RYR1: variants seen among roughly 807,000 people sequenced by gnomAD.
The protein encoded by RYR1 is central core disease of muscle.
A neutral mutation model predicts 583.5 loss-of-function variants in RYR1; 342 were observed. The observed-to-expected ratio is 0.59, with a 90% CI of 0.54 to 0.64. The LOEUF (loss-of-function observed/expected upper bound fraction) is 0.64. Ranked by LOEUF, RYR1 falls within the 30% of genes least tolerant of loss-of-function variation. The pLI is 0.00. For synonymous variants in RYR1, 2,791 were observed against 2,822.5 expected, an observed-to-expected ratio of 0.99 and a Z score of 0.35; for missense variants, 6,032 against 6,917.2, an observed-to-expected ratio of 0.87 and a Z score of 4.54.
rs763082096 is a variant in RYR1 at position 38,573,166 on chromosome 19, C to T, written c.13999-11C>T. 6.2e-7 allele frequency: 1 copy of T among 1,613,708 alleles called. No individual in the cohort carries two copies. The highest frequency in any genetic ancestry group is 8.5e-7 in the Non-Finnish European group (1 of 1,179,752). Reference sequence around the variant, plus strand: ...CCTGACGCCCACCTTTGGCCTCCTCCCACTATCCAGGTGCCCCTGGTAATC... The same window carrying T: ...CCTGACGCCCACCTTTGGCCTCCTCTCACTATCCAGGTGCCCCTGGTAATC... On this transcript the variant is annotated splice_polypyrimidine_tract_variant and intron_variant, in intron 95 of 105. Coordinates refer to ENST00000359596, the MANE Select transcript of RYR1 (RefSeq NM_000540.3).
intron 99 of RYR1, among the ~76,000 whole-genome samples, chr19:38,579,516 A>G (rs1022986557): frequency 3.4e-5 from 5 of 145,140 alleles, no homozygotes; most frequent in Non-Finnish European, 6.0e-5. Flanking sequence ...CTTGAACCTG[A>G]GAGGCGGAGG....
intron 49 of RYR1, among the ~76,000 whole-genome samples, chr19:38,503,900 C>T (rs1320239708): frequency 6.6e-6 from 1 of 152,104 alleles, no homozygotes; most frequent in Non-Finnish European, 1.5e-5. Context: ...TTGCTGCATC[C>T]ATATGCCCAT....
intron 35 of RYR1, 94 bp downstream of exon 35, chr19:38,489,537 G>C: frequency 7.1e-7 from 1 of 1,399,314 alleles, no homozygotes. Context: ...TCCTCAGGCA[G>C]TGGGGAGCTG....
intron 89 of RYR1, among the ~76,000 whole-genome samples, chr19:38,552,760 T>C (rs1972719483): frequency 6.6e-6 from 1 of 152,114 alleles, no homozygotes; most frequent in African/African-American, 2.4e-5. Flanking sequence ...GGGCCCTGGC[T>C]GGGGGTCTCA....
intron 101 of RYR1, 150 bp from the exon 102 acceptor site, chr19:38,584,793 T>C: frequency 3.4e-6 from 3 of 885,450 alleles, no homozygotes; most frequent in South Asian, 3.0e-5. Flanking sequence ...TGTTGGTCCC[T>C]GTCTGATGCC....
chr19:38,467,523 C>G (rs970885674), intron 24 of RYR1, 87 bp from the exon 25 acceptor site: 1 of 1,417,656 alleles, frequency 7.1e-7, no homozygotes, highest in Admixed American at 1.7e-5. Flanking sequence ...CTTACTGTCC[C>G]CCAAAGCCTG....
At chr19:38,533,554 G>A (rs1971833124) in intron 78 of RYR1, among the ~76,000 whole-genome samples, 1 of 152,154 alleles carries the variant, frequency 6.6e-6, no homozygotes, top group African/African-American at 2.4e-5. Context: ...CACTTTGGGA[G>A]GCCAAGGCGG....
intron 99 of RYR1, among the ~76,000 whole-genome samples, chr19:38,578,643 G>A (rs776628308): frequency 6.6e-6 from 1 of 152,074 alleles, no homozygotes; most frequent in Non-Finnish European, 1.5e-5. Flanking sequence ...GACAAACCTG[G>A]CACTGGGCAT....
intron 27 of RYR1, 147 bp from the exon 28 acceptor site, chr19:38,473,230 T>A: frequency 9.9e-7 from 1 of 1,006,862 alleles, no homozygotes; most frequent in Non-Finnish European, 1.5e-6. Context: ...GGGAGCTTCA[T>A]CCCCCTGCAG....
At chr19:38,535,456 TA>T in intron 81 of RYR1, 64 bp downstream of exon 81, 1 of 1,220,794 alleles carries the variant, frequency 8.2e-7, no homozygotes, top group Admixed American at 1.7e-5. Context: ...CCACTCCTGG[TA>T]CCATTTCCAG....
Position 38,492,584 on chromosome 19 carries a change from G to C in RYR1, c.6222G>C (p.Lys2074Asn). ...TGTTGGAGAAAGTGCGGCTGGTGAA[G>C]AAGAAGGAAGAGAAACCTGAGGAGG... ...MSLLEKVRLV[K>N]KKEEKPEEER... The change falls in exon 38 of 106, where the codon AAG (lysine) becomes AAC (asparagine). Residue 2074 changes from lysine (K) to asparagine (N), a missense_variant. By Grantham distance (94) the Lys-to-Asn change is moderately conservative. Coordinates refer to ENST00000359596, the MANE Select transcript of RYR1 (RefSeq NM_000540.3). 6.3e-7 allele frequency: 1 copy of C among 1,599,160 alleles called. No individual in the cohort carries two copies. Among genetic ancestry groups the C allele is most frequent in the Admixed American group, 1.7e-5 (1 of 59,486 alleles).
Position 38,460,607 on chromosome 19 carries a change from C to A in RYR1, c.2577+16C>A. 6.2e-7 allele frequency: 1 copy of A among 1,604,988 alleles called. No individual in the cohort carries two copies. Among genetic ancestry groups the A allele is most frequent in the Non-Finnish European group, 8.5e-7 (1 of 1,177,676 alleles). ...CACTGTCCAGGTACTGCCTGCCCTG[C>A]AAAGGTTTTCTGGCGAGGCAGGGTC... On this transcript the variant is annotated intron_variant, in intron 20 of 105. Transcript: ENST00000359596.
At position 38,433,773 on chromosome 19, in the gene RYR1, C is replaced by A. The variant is rs1600608275; in HGVS notation, c.-57C>A. On this transcript the variant is annotated 5_prime_UTR_variant, in exon 1 of 106. Transcript: ENST00000359596. The stretch of plus-strand genomic sequence containing the variant: ...CCGCCCCCAGCCCTCCCGCCCAGCC[C>A]GCAGCCCCCTCCCTCTGTTCCCCGA... 2 of 1,033,232 alleles carry A rather than the reference C, an allele frequency of 1.9e-6. No individual in the cohort carries two copies. Among genetic ancestry groups the A allele is most frequent in the African/African-American group, 1.6e-5 (1 of 63,784 alleles). 64.0% of individuals were successfully genotyped at this position (1,033,232 alleles called of 1,614,324 possible).
At position 38,510,691 on chromosome 19, in the gene RYR1, C is replaced by T. The variant is rs1482335653; in HGVS notation, c.9032C>T (p.Thr3011Ile). ...ILLPLINQYFTNHCLYFLSTP... is the reference protein window; with the variant it reads ...ILLPLINQYFINHCLYFLSTP... Reference sequence around the variant, plus strand: ...CTCCCTTTGATCAACCAGTACTTCACCAACCACTGCCTCTATTTCTTGTCC... The same window carrying T: ...CTCCCTTTGATCAACCAGTACTTCATCAACCACTGCCTCTATTTCTTGTCC... The change falls in exon 60 of 106, where the codon ACC becomes ATC. Residue 3011 changes from threonine (T) to isoleucine (I), a missense_variant. Thr to Ile is a moderately conservative substitution (Grantham distance 89). Transcript: ENST00000359596. The T allele has an allele frequency of 6.2e-7, 1 of 1,614,166 alleles. No homozygotes were observed. The highest frequency in any genetic ancestry group is 8.5e-7 in the Non-Finnish European group (1 of 1,180,040).
chr19:38,466,154 G>A lies in RYR1; in HGVS notation c.2934G>A (p.Pro978=), dbSNP rs746139608. 11 of 1,613,230 alleles carry A rather than the reference G, an allele frequency of 6.8e-6. No homozygotes were observed. The highest frequency in any genetic ancestry group is 3.3e-5 in the Admixed American group (2 of 59,960). The change falls in exon 24 of 106, where the codon CCG becomes CCA. Residue 978 remains proline, a synonymous_variant. Coordinates refer to ENST00000359596, the MANE Select transcript of RYR1 (RefSeq NM_000540.3). ...PLDLSHVRLT[P]AQTTLVDRLA... ...ACCTGAGCCACGTGCGGCTGACGCC[G>A]GCGCAGACGACACTGGTGGACCGTC...
In RYR1 at chr19:38,525,437, G is replaced by T; in HGVS notation, c.10561G>T (p.Gly3521Cys). The T allele has an allele frequency of 6.2e-7, 1 of 1,613,770 alleles. No homozygotes were observed. Among genetic ancestry groups the T allele is most frequent in the Non-Finnish European group, 8.5e-7 (1 of 1,179,924 alleles). Residue 3521 changes from glycine to cysteine, a missense_variant, in exon 71 of 106, where the codon GGC becomes TGC. Gly to Cys is a radical substitution (Grantham distance 159). This residue lies in a region of RYR1 where 1,493 missense variants were observed against 1,715.5 expected (regional missense o/e 0.87). Transcript: ENST00000359596. The part of the protein sequence containing the change: ...VATLKKMLPI[G>C]LNMCAPTDQD... ...CACACTGAAGAAGATGCTGCCCATCGGCCTGAATATGTGTGCGCCCACCGA... is the reference window on the plus strand; with the variant it reads ...CACACTGAAGAAGATGCTGCCCATCTGCCTGAATATGTGTGCGCCCACCGA...
chr19:38,507,088 G>A (rs1970492464), intron 57 of RYR1, 136 bp downstream of exon 57: 2 of 1,408,558 alleles, frequency 1.4e-6, no homozygotes, highest in Non-Finnish European at 1.9e-6. Flanking sequence ...GAGGGGAGGA[G>A]CTAAGGGAGT....
rs555980787 is a variant in RYR1, at chr19:38,518,936, A to C, written c.10019-278A>C. 6.6e-5 allele frequency among the ~76,000 whole-genome samples: 10 copies of C among 151,938 alleles called. No homozygotes were observed. In the South Asian group the frequency reaches 1.0e-3, roughly 16 times the overall value. On this transcript the variant is annotated intron_variant, in intron 66 of 105. Transcript: ENST00000359596. Reference sequence around the variant, plus strand: ...GAGTGAAACTCTGTCTCAAAAAAAAAAAAAAAGTTAGGTAACAGGTGAGGC... The same window carrying C: ...GAGTGAAACTCTGTCTCAAAAAAAACAAAAAAGTTAGGTAACAGGTGAGGC...
chr19:38,448,506 T>A lies in RYR1; in HGVS notation c.952T>A (p.Ser318Thr). Residue 318 changes from serine to threonine, a missense_variant, in exon 10 of 106, where the codon TCC becomes ACC. By Grantham distance (58) the Ser-to-Thr change is moderately conservative. This residue lies in a region of RYR1 where 338 missense variants were observed against 441.6 expected (regional missense o/e 0.77). Transcript: ENST00000359596. ...TKATSFCFRI[S>T]KEKLDVAPKR... ...GGCTACCTCCTTCTGCTTCCGCATCTCCAAGGTCAGTGGGGTTTGTGGCGC... is the reference window on the plus strand; with the variant it reads ...GGCTACCTCCTTCTGCTTCCGCATCACCAAGGTCAGTGGGGTTTGTGGCGC... 6.2e-7 allele frequency: 1 copy of A among 1,613,982 alleles called. No individual in the cohort carries two copies. The highest frequency in any genetic ancestry group is 8.5e-7 in the Non-Finnish European group (1 of 1,179,998).
Sources: gnomAD v4.1 joint callset for allele counts (sites outside exome capture counted in the v4.1 genomes callset) on GRCh38, gnomAD v4.1.1 for gene constraint, gnomAD v4.1.1 regional missense constraint, MANE v1.5 for transcripts, NCBI Gene and HGNC (gene_info 2026-07-23, HGNC 2026-07-21) for gene names.